Variants in SEC24D observed in about 807,000 individuals in gnomAD.
SEC24D encodes the protein SEC24 homolog D, COPII component.
SEC24D carries 69 observed loss-of-function variants against 116.9 expected under a neutral mutation model. The observed-to-expected ratio is 0.59, with a 90% confidence interval of 0.49 to 0.72. The LOEUF (loss-of-function observed/expected upper bound fraction) is 0.72. SEC24D is among the 30% of genes least tolerant of loss of function. SEC24D has a pLI of 0.00. For synonymous variants in SEC24D, 405 were observed against 442.8 expected (o/e 0.91, Z 1.07); for missense variants, 1,131 against 1,264.1 (o/e 0.89, Z 1.60).
At chr4:118,780,187 G>C (rs1178623507) in intron 8 of SEC24D, among the ~76,000 whole-genome samples, 1 of 152,094 alleles carries the variant, frequency 6.6e-6, no homozygotes, top group Non-Finnish European at 1.5e-5. Flanking sequence ...TTTTAATTGT[G>C]ATGTTAGGGT....
At chr4:118,730,937 C>G (rs964895833) in intron 21 of SEC24D, 1 of 258,772 alleles carries the variant, frequency 3.9e-6, no homozygotes, top group African/African-American at 2.3e-5. Flanking sequence ...ACTTTACTAC[C>G]TGAAGGAACT....
At chr4:118,737,472 TG>T (rs1435502255) in intron 19 of SEC24D, among the ~76,000 whole-genome samples, 3 of 152,228 alleles carry the variant, frequency 2.0e-5, no homozygotes, top group Non-Finnish European at 4.4e-5. Flanking sequence ...TCTTTCCTGC[TG>T]AGGATTTACT....
chr4:118,744,413 C>T (rs1028582911), intron 14 of SEC24D, among the ~76,000 whole-genome samples: 1 of 152,200 alleles, frequency 6.6e-6, no homozygotes, highest in African/African-American at 2.4e-5. Context: ...CTCCATCAAT[C>T]CTAATGGAGC....
At position 118,723,667 on chromosome 4, in the gene SEC24D, AAAAC is replaced by A. The variant is rs566867468; in HGVS notation, c.2959-16_2959-13del. 51 of 1,594,194 alleles carry A rather than the reference AAAAC, an allele frequency of 3.2e-5. No homozygotes were observed. The South Asian group carries it at 5.1e-4, about 16-fold the overall frequency. ...TTTACAATTGTGAGCTAGGAAAAAA[AAAAC>A]AAAACAGTAACAGCCCCTGGTTATA... is the stretch of plus-strand genomic sequence containing the variant. On this transcript the variant is annotated splice_polypyrimidine_tract_variant and intron_variant, in intron 22 of 22. Coordinates refer to ENST00000280551, the MANE Select transcript of SEC24D (RefSeq NM_014822.4).
intron 6 of SEC24D, among the ~76,000 whole-genome samples, chr4:118,813,397 T>C (rs574102337): frequency 2.6e-5 from 4 of 152,364 alleles, no homozygotes; most frequent in East Asian, 3.9e-4. Context: ...TTATTTCTTA[T>C]AGCTATGGAG....
chr4:118,798,978 T>C (rs1003225120), intron 7 of SEC24D, among the ~76,000 whole-genome samples: 2 of 152,210 alleles, frequency 1.3e-5, no homozygotes, highest in Admixed American at 6.5e-5. Context: ...CCTCTGGCTT[T>C]TCTCCCAATG....
intron 9 of SEC24D, among the ~76,000 whole-genome samples, chr4:118,767,297 A>G (rs1265754913): frequency 6.6e-6 from 1 of 152,220 alleles, no homozygotes; most frequent in Non-Finnish European, 1.5e-5. Flanking sequence ...ATGATGTAGG[A>G]GGAATACTGT....
chr4:118,761,287 G>GATGA (rs1269366505), intron 10 of SEC24D, among the ~76,000 whole-genome samples: 1 of 152,166 alleles, frequency 6.6e-6, no homozygotes, highest in Non-Finnish European at 1.5e-5. Context: ...TGAATGCATG[G>GATGA]ATGAATGAAT....
chr4:118,833,852 T>C (rs1197609911), intron 1 of SEC24D, 115 bp from the exon 2 acceptor site: 11 of 575,296 alleles, frequency 1.9e-5, no homozygotes, highest in South Asian at 1.5e-4. Context: ...AGTACAGATA[T>C]CAGGTACATG....
rs139625967 is a variant in SEC24D, at chr4:118,817,289, G to A, written c.372C>T (p.Leu124=). The change falls in exon 4 of 23, where the codon CTC becomes CTT. Residue 124 remains leucine, a synonymous_variant. Coordinates refer to ENST00000280551, the MANE Select transcript of SEC24D (RefSeq NM_014822.4). ...CATAGCTGTTGATTTGCATAGCACTGAGCTGGCTGCCCAGCTGGGTGACAG... is the reference window on the plus strand; with the variant it reads ...CATAGCTGTTGATTTGCATAGCACTAAGCTGGCTGCCCAGCTGGGTGACAG... ...TSSVTQLGSQ[L]SAMQINSYGS... The A allele has an allele frequency of 1.1e-5, 18 of 1,613,114 alleles. No individual in the cohort carries two copies. The highest frequency in any genetic ancestry group is 3.3e-4 in the Middle Eastern group (2 of 6,082).
At chr4:118,821,018 G>A (rs1730379255) in intron 3 of SEC24D, among the ~76,000 whole-genome samples, 1 of 152,116 alleles carries the variant, frequency 6.6e-6, no homozygotes, top group Non-Finnish European at 1.5e-5. Context: ...GCAATAAATT[G>A]CTCAAGAAAT....
At chr4:118,820,407 G>A (rs1252024834) in intron 3 of SEC24D, among the ~76,000 whole-genome samples, 1 of 151,980 alleles carries the variant, frequency 6.6e-6, no homozygotes, top group Admixed American at 6.6e-5. Context: ...TCTCAATCTC[G>A]TGACCTCGTG....
At chr4:118,777,458 T>C (rs1483242361) in intron 8 of SEC24D, among the ~76,000 whole-genome samples, 5 of 152,360 alleles carry the variant, frequency 3.3e-5, no homozygotes, top group Middle Eastern at 3.4e-3. Context: ...TCCTTTTTTA[T>C]GGCTGCATAG....
At chr4:118,817,845 C>T (rs1373760921) in intron 3 of SEC24D, among the ~76,000 whole-genome samples, 1 of 151,918 alleles carries the variant, frequency 6.6e-6, no homozygotes, top group Non-Finnish European at 1.5e-5. Context: ...TCAAGACCAG[C>T]CTGGGCAACA....
chr4:118,784,739 GCC>G (rs35053926), intron 8 of SEC24D, among the ~76,000 whole-genome samples: 7,610 of 132,290 alleles, frequency 0.058, 245 homozygotes, highest in Non-Finnish European at 0.069. Context: ...ATCCTTCCCT[GCC>G]CCCCCCCCCG....
chr4:118,806,416 G>A (rs1267079833), intron 6 of SEC24D, among the ~76,000 whole-genome samples: 3 of 151,720 alleles, frequency 2.0e-5, no homozygotes, highest in Non-Finnish European at 4.4e-5. Context: ...GCTCACTGCA[G>A]CCTTCACCTC....
chr4:118,824,502 G>T, intron 3 of SEC24D, 118 bp downstream of exon 3: 1 of 1,046,700 alleles, frequency 9.6e-7, no homozygotes. Flanking sequence ...TCCTTTCAGG[G>T]GTGTGTAACA....
chr4:118,801,960 A>G (rs1412181431), intron 7 of SEC24D, among the ~76,000 whole-genome samples: 1 of 152,366 alleles, frequency 6.6e-6, no homozygotes, highest in East Asian at 1.9e-4. Flanking sequence ...AAAACATTCA[A>G]TAAATTCATT....
intron 22 of SEC24D, 35 bp from the exon 23 acceptor site, chr4:118,723,690 G>A (rs1167875388): frequency 6.3e-7 from 1 of 1,580,802 alleles, no homozygotes; most frequent in East Asian, 2.2e-5. Context: ...AACAGCCCCT[G>A]GTTATAAACA....
Sources: allele counts gnomAD v4.1 joint callset (sites outside exome capture counted in the v4.1 genomes callset), GRCh38; gene constraint gnomAD v4.1.1; transcripts MANE v1.5; gene names NCBI Gene and HGNC (gene_info 2026-07-23, HGNC 2026-07-21).